Variants in TUSC3 observed in about 807,000 individuals in gnomAD.
The protein encoded by TUSC3 is tumor suppressor candidate 3.
A neutral mutation model predicts 44.8 loss-of-function variants in TUSC3; 45 were observed. The observed-to-expected ratio is 1.00, with a 90% CI of 0.79 to 1.29. The LOEUF (loss-of-function observed/expected upper bound fraction) is 1.29, where lower values mean the gene tolerates loss of function less well. TUSC3 is among the 50% of genes most tolerant of loss of function. The pLI is 0.00. For missense variants in TUSC3, 519 were observed against 437.9 expected (o/e 1.19, Z -1.65); for synonymous variants, 212 against 152.9 (o/e 1.39, Z -2.85).
intron 1 of TUSC3, among the ~76,000 whole-genome samples, chr8:15,595,912 A>G (rs1804048191): frequency 6.6e-6 from 1 of 152,192 alleles, no homozygotes; most frequent in African/African-American, 2.4e-5. Flanking sequence ...CAGGTATGCC[A>G]TAGGAACTTA....
chr8:15,756,171 A>G (rs1212859675), intron 9 of TUSC3, among the ~76,000 whole-genome samples: 1 of 152,192 alleles, frequency 6.6e-6, no homozygotes, highest in East Asian at 1.9e-4. Context: ...CTGCATTTAG[A>G]CAAATCCAGG....
At chr8:15,708,098 G>A (rs1361351079) in intron 6 of TUSC3, among the ~76,000 whole-genome samples, 7 of 151,878 alleles carry the variant, frequency 4.6e-5, no homozygotes, top group Non-Finnish European at 1.0e-4. Flanking sequence ...AATTAAATCT[G>A]TTTCCAAATA....
chr8:15,844,818 T>C, the TUSC3 span, among the ~76,000 whole-genome samples: 1 of 152,146 alleles, frequency 6.6e-6, no homozygotes, highest in Non-Finnish European at 1.5e-5. Context: ...TTTTAAAGCC[T>C]ATCTACTCTA....
the TUSC3 span, among the ~76,000 whole-genome samples, chr8:15,834,348 C>T: frequency 6.6e-6 from 1 of 152,186 alleles, no homozygotes; most frequent in African/African-American, 2.4e-5. Flanking sequence ...TCATCAATTT[C>T]TTTCTCTTGT....
chr8:15,662,169 G>C lies in TUSC3; in HGVS notation c.581G>C (p.Arg194Thr). 1 of 1,612,786 alleles carries C rather than the reference G, an allele frequency of 6.2e-7. No individual in the cohort carries two copies. Among genetic ancestry groups the C allele is most frequent in the Non-Finnish European group, 8.5e-7 (1 of 1,179,150 alleles). Reference protein sequence around the residue: ...DRTDVHIRVFRPPNYSGTIAL... With the variant: ...DRTDVHIRVFTPPNYSGTIAL... ...GCATTTTTGCAGATTCGGGTTTTCA[G>C]ACCACCCAACTACTCTGGTACCATT... Residue 194 changes from arginine (R) to threonine (T), a missense_variant, in exon 5 of 11, where the codon AGA becomes ACA. Physicochemically the swap from Arg to Thr is moderately conservative, Grantham distance 71. Coordinates refer to ENST00000503731, the MANE Select transcript of TUSC3 (RefSeq NM_006765.4).
the TUSC3 span, among the ~76,000 whole-genome samples, chr8:15,781,006 C>T: frequency 6.6e-6 from 1 of 152,178 alleles, no homozygotes; most frequent in African/African-American, 2.4e-5. Context: ...TACTTAATGG[C>T]CTGGCTTCTA....
intron 2 of TUSC3, among the ~76,000 whole-genome samples, chr8:15,528,613 C>A (rs1024070759): frequency 6.6e-6 from 1 of 152,214 alleles, no homozygotes; most frequent in South Asian, 2.1e-4. Context: ...CCTGGCTTCA[C>A]GGCTACCTTT....
chr8:15,674,956 C>T (rs996109930), intron 6 of TUSC3, among the ~76,000 whole-genome samples: 4 of 152,026 alleles, frequency 2.6e-5, no homozygotes, highest in African/African-American at 9.7e-5. Context: ...TTCCTGACGA[C>T]ACTATTTAAA....
intron 1 of TUSC3, among the ~76,000 whole-genome samples, chr8:15,435,549 C>G (rs951827552): frequency 2.0e-5 from 3 of 152,172 alleles, no homozygotes; most frequent in Non-Finnish European, 4.4e-5. Flanking sequence ...AAGTACTGGA[C>G]TGTTTCCAAT....
chr8:15,612,019 G>C (rs1011626911), intron 1 of TUSC3, among the ~76,000 whole-genome samples: 2 of 152,136 alleles, frequency 1.3e-5, no homozygotes, highest in African/African-American at 2.4e-5. Flanking sequence ...TTCTCTTAGA[G>C]ACTCCTTTAA....
chr8:15,502,772 T>G (rs1282270059), intron 2 of TUSC3, among the ~76,000 whole-genome samples: 2 of 152,232 alleles, frequency 1.3e-5, no homozygotes, highest in East Asian at 3.9e-4. Context: ...ATTACAGGCA[T>G]GAGCTACCAC....
At chr8:15,664,437 TTTATTATTA>T (rs56049201) in intron 5 of TUSC3, among the ~76,000 whole-genome samples, 30,731 of 143,716 alleles carry the variant, frequency 0.21, 3,319 homozygotes, top group Middle Eastern at 0.29. Context: ...GTTATACAGA[TTTATTATTA>T]TTATTATTAT....
At chr8:15,718,309 ATTG>A (rs1401885742) in intron 6 of TUSC3, among the ~76,000 whole-genome samples, 1 of 152,280 alleles carries the variant, frequency 6.6e-6, no homozygotes, top group South Asian at 2.1e-4. Flanking sequence ...TTTGTGATGG[ATTG>A]TAAGGTAGAG....
At chr8:15,460,736 C>G (rs533854639) in intron 1 of TUSC3, among the ~76,000 whole-genome samples, 2 of 152,120 alleles carry the variant, frequency 1.3e-5, no homozygotes, top group Non-Finnish European at 2.9e-5. Context: ...CAGTTTCATT[C>G]TCCTACATGT....
chr8:15,584,782 A>G (rs900463085), intron 1 of TUSC3, among the ~76,000 whole-genome samples: 2 of 152,178 alleles, frequency 1.3e-5, no homozygotes, highest in Non-Finnish European at 2.9e-5. Flanking sequence ...ATCTGAAAGT[A>G]TAGTGAGTTT....
chr8:15,713,387 G>A (rs1222639985), intron 6 of TUSC3, among the ~76,000 whole-genome samples: 1 of 152,050 alleles, frequency 6.6e-6, no homozygotes, highest in Non-Finnish European at 1.5e-5. Context: ...TAGTGTTACT[G>A]TCATTGTTCA....
intron 1 of TUSC3, among the ~76,000 whole-genome samples, chr8:15,554,643 C>A (rs371523332): frequency 8.2e-4 from 115 of 140,604 alleles, no homozygotes; most frequent in Middle Eastern, 4.4e-3. Context: ...CACTCTGTCG[C>A]CCAGGCTGGA....
chr8:15,641,156 C>G (rs974244901), intron 2 of TUSC3, among the ~76,000 whole-genome samples: 1 of 151,458 alleles, frequency 6.6e-6, no homozygotes. Flanking sequence ...GTCAAGAGAT[C>G]GAGACCATCC....
chr8:15,827,625 T>C, the TUSC3 span, among the ~76,000 whole-genome samples: 1 of 152,278 alleles, frequency 6.6e-6, no homozygotes, highest in Non-Finnish European at 1.5e-5. Flanking sequence ...TTAAGAATAA[T>C]TTTTACCCTC....
Sources: allele counts gnomAD v4.1 joint callset (sites outside exome capture counted in the v4.1 genomes callset), GRCh38; gene constraint gnomAD v4.1.1; transcripts MANE v1.5; gene names NCBI Gene and HGNC (gene_info 2026-07-23, HGNC 2026-07-21).